The following DGKB variants were observed in gnomAD, a reference collection of about 807,000 sequenced individuals.
DGKB encodes the protein diacylglycerol kinase beta.
A neutral mutation model predicts 114.3 loss-of-function variants in DGKB; 67 were observed. The ratio of observed to expected loss-of-function variants is 0.59; its 90% confidence interval spans 0.48 to 0.72. The LOEUF (loss-of-function observed/expected upper bound fraction) is 0.72. DGKB is among the 30% of genes least tolerant of loss of function. DGKB has a pLI of 0.00. For synonymous variants in DGKB, 398 were observed against 323.1 expected, an observed-to-expected ratio of 1.23 and a Z score of -2.49; for missense variants, 907 against 975.2, an observed-to-expected ratio of 0.93 and a Z score of 0.93.
At chr7:14,971,423 C>T (rs189670331) in intron 1 of DGKB, among the ~76,000 whole-genome samples, 11 of 152,016 alleles carry the variant, frequency 7.2e-5, no homozygotes, top group South Asian at 2.1e-4. Context: ...GTATTCTTGG[C>T]GGAAAACTCT....
At chr7:14,882,957 ATAT>A (rs1267994435) in intron 1 of DGKB, among the ~76,000 whole-genome samples, 1 of 151,920 alleles carries the variant, frequency 6.6e-6, no homozygotes, top group African/African-American at 2.4e-5. Context: ...ATCTTTTGAC[ATAT>A]TATTCATTTA....
Position 14,345,385 on chromosome 7 carries a change from C to T in DGKB, c.1842G>A (p.Lys614=). The part of the protein sequence containing the change: ...KHPEKFNSRM[K]NKFWYFEFGT... ...CAAACTCAAAATACCAAAATTTGTT[C>T]TTCATTCTGAAAAAGAAAAGGAAGA... Residue 614 remains lysine, a synonymous_variant, in exon 22 of 26, where the codon AAG becomes AAA. Transcript: ENST00000402815. 1 of 1,531,274 alleles carries T rather than the reference C, an allele frequency of 6.5e-7. No homozygotes were observed. Among genetic ancestry groups the T allele is most frequent in the Non-Finnish European group, 8.8e-7 (1 of 1,134,256 alleles). The allele number at this position is 1,531,274 out of a possible 1,614,324, so 94.9% of individuals were successfully genotyped here.
chr7:14,495,322 AG>A (rs1785146983), intron 20 of DGKB, among the ~76,000 whole-genome samples: 1 of 151,894 alleles, frequency 6.6e-6, no homozygotes, highest in Non-Finnish European at 1.5e-5. Context: ...GTGCTTTAAA[AG>A]GGTATGTTTC....
chr7:14,348,204 C>T (rs571018903), intron 21 of DGKB, among the ~76,000 whole-genome samples: 1 of 151,642 alleles, frequency 6.6e-6, no homozygotes, highest in East Asian at 1.9e-4. Context: ...AATCTGTTCT[C>T]TAGTTCTATA....
intron 1 of DGKB, among the ~76,000 whole-genome samples, chr7:14,940,460 A>T (rs1042603482): frequency 1.3e-5 from 2 of 151,660 alleles, no homozygotes; most frequent in African/African-American, 4.8e-5. Context: ...TTTTTCTGGG[A>T]TAACATTTCA....
chr7:14,811,023 C>CAATG (rs1431283337), intron 2 of DGKB, among the ~76,000 whole-genome samples: 1 of 152,052 alleles, frequency 6.6e-6, no homozygotes, highest in Non-Finnish European at 1.5e-5. Context: ...CCATTTGAGA[C>CAATG]AATGAAGTTA....
At chr7:14,292,402 C>T (rs115717238) in intron 23 of DGKB, among the ~76,000 whole-genome samples, 1,816 of 152,238 alleles carry the variant, frequency 0.012, 37 homozygotes, top group African/African-American at 0.041. Context: ...AGTGTCACAG[C>T]AATACTCCCA....
At chr7:14,614,484 A>G (rs981069332) in intron 15 of DGKB, among the ~76,000 whole-genome samples, 2 of 152,134 alleles carry the variant, frequency 1.3e-5, no homozygotes, top group African/African-American at 4.8e-5. Context: ...TTGAAAGTAC[A>G]TTCAAATTAT....
chr7:14,919,620 A>G (rs1305782154), intron 1 of DGKB, among the ~76,000 whole-genome samples: 18 of 152,336 alleles, frequency 1.2e-4, no homozygotes, highest in Admixed American at 2.6e-4. Context: ...TTCAACAGAC[A>G]AAAAGATAAG....
At chr7:14,426,783 G>A (rs1278083119) in intron 21 of DGKB, among the ~76,000 whole-genome samples, 2 of 152,174 alleles carry the variant, frequency 1.3e-5, no homozygotes, top group Middle Eastern at 3.4e-3. Flanking sequence ...GGCCAAGCGT[G>A]GCAGCTCATG....
At chr7:14,961,225 T>C (rs9638720) in intron 1 of DGKB, among the ~76,000 whole-genome samples, 12,984 of 152,248 alleles carry the variant, frequency 0.085, 1,533 homozygotes, top group East Asian at 0.64. Context: ...TGAAGACTTG[T>C]GTGCATGAAG....
chr7:14,158,380 G>C (rs1312032272), intron 25 of DGKB, among the ~76,000 whole-genome samples: 1 of 152,084 alleles, frequency 6.6e-6, no homozygotes, highest in African/African-American at 2.4e-5. Context: ...CAAAAGAAAG[G>C]TTAGAAAAAA....
rs1842031479 is a variant in DGKB at position 14,800,631 on chromosome 7, AC to A, written c.70+40562del. On this transcript the variant is annotated intron_variant, in intron 2 of 25. Coordinates refer to ENST00000402815, the MANE Select transcript of DGKB (RefSeq NM_001350709.2). ...GTATAAGTTAATACTTAGTAAACTC[AC>A]CTTTTTATATATGCTATGCTTGTCT... Among the ~76,000 whole-genome samples, 4 of 152,208 alleles carry A rather than the reference AC, an allele frequency of 2.6e-5. No individual in the cohort carries two copies. In the South Asian group the frequency reaches 8.3e-4, roughly 32 times the overall value.
intron 1 of DGKB, among the ~76,000 whole-genome samples, chr7:14,970,522 G>GA (rs1442618055): frequency 6.6e-6 from 1 of 151,810 alleles, no homozygotes; most frequent in African/African-American, 2.4e-5. Flanking sequence ...TTGAATACAT[G>GA]AAAAAAATGA....
At chr7:14,735,932 G>A in intron 5 of DGKB, 109 bp downstream of exon 5, 2 of 695,522 alleles carry the variant, frequency 2.9e-6, no homozygotes, top group Non-Finnish European at 4.5e-6. Context: ...TCTAAACCCT[G>A]TAACAAAACA....
rs866837373 is a variant in DGKB, at chr7:14,919,089, C to A, written c.-188+55607G>T. ...ACACACACACACACACACACACACA[C>A]ACACAAACACACACACACACACACA... is the stretch of plus-strand genomic sequence containing the variant. On this transcript the variant is annotated intron_variant, in intron 1 of 4. Coordinates refer to the DGKB transcript ENST00000437998. Among the ~76,000 whole-genome samples, 491 of 124,288 alleles carry A rather than the reference C, an allele frequency of 4.0e-3. 4 individuals are homozygous for A. Among genetic ancestry groups the A allele is most frequent in the African/African-American group, 0.014 (474 of 33,118 alleles). The allele number at this position is 124,288 out of a possible 152,430, so 81.5% of individuals were successfully genotyped here.
chr7:14,716,248 T>A (rs1828164365), intron 6 of DGKB, among the ~76,000 whole-genome samples: 1 of 152,174 alleles, frequency 6.6e-6, no homozygotes, highest in Admixed American at 6.5e-5. Context: ...AGCATCCGCA[T>A]CACCTGGAAA....
chr7:14,957,898 ACT>A (rs1478634275), intron 1 of DGKB, among the ~76,000 whole-genome samples: 2 of 151,966 alleles, frequency 1.3e-5, no homozygotes, highest in South Asian at 2.1e-4. Context: ...AATTTAGTTG[ACT>A]CTCGTAGCAC....
At chr7:14,579,788 TA>T (rs778991113) in intron 19 of DGKB, among the ~76,000 whole-genome samples, 180 of 148,424 alleles carry the variant, frequency 1.2e-3, no homozygotes, top group South Asian at 8.5e-3. Flanking sequence ...GGAGTTTGTT[TA>T]AAAAAAAAAA....
Sources: allele counts gnomAD v4.1 joint callset (sites outside exome capture counted in the v4.1 genomes callset), GRCh38; gene constraint gnomAD v4.1.1; transcripts MANE v1.5; gene names NCBI Gene and HGNC (gene_info 2026-07-23, HGNC 2026-07-21).